Variants in WDR49 observed in about 807,000 individuals in gnomAD.
The protein encoded by WDR49 is cilia- and flagella-associated protein 337.
Under a neutral mutation model 119.5 loss-of-function variants are expected in WDR49, and 107 were observed. The ratio of observed to expected loss-of-function variants is 0.90; its 90% CI spans 0.77 to 1.05. WDR49 has a LOEUF of 1.05. Ranked by LOEUF, WDR49 falls within the 50% of genes least tolerant of loss-of-function variation. The pLI is 0.00. For synonymous variants in WDR49, 425 were observed against 418.8 expected (o/e 1.01, Z -0.18); for missense variants, 1,240 against 1,220.5 (o/e 1.02, Z -0.24).
Position 167,540,811 on chromosome 3 carries a change from T to A in WDR49, c.1824-3811A>T, listed in dbSNP as rs79829741. Among the ~76,000 whole-genome samples, 479 of 151,538 alleles carry A rather than the reference T, an allele frequency of 3.2e-3. 8 individuals carry two copies. The highest frequency in any genetic ancestry group is 0.022 in the Admixed American group (336 of 15,214). ...AAAAGAAATTTTTAAAAATACAGGATATGGATGAAAAAATGGTCCAGATAA... is the reference window on the plus strand; with the variant it reads ...AAAAGAAATTTTTAAAAATACAGGAAATGGATGAAAAAATGGTCCAGATAA... On this transcript the variant is annotated intron_variant, in intron 10 of 18. Transcript: ENST00000682715.
chr3:167,628,980 G>T (rs1428427926), intron 2 of WDR49, among the ~76,000 whole-genome samples: 3 of 152,114 alleles, frequency 2.0e-5, no homozygotes, highest in Non-Finnish European at 2.9e-5. Context: ...AAATCTGGCT[G>T]GGCACAGTGG....
chr3:167,512,654 A>T (rs1052579736), intron 16 of WDR49, among the ~76,000 whole-genome samples: 7 of 152,216 alleles, frequency 4.6e-5, no homozygotes, highest in Non-Finnish European at 8.8e-5. Flanking sequence ...GTGGGTAATA[A>T]ACTTCACTGA....
At chr3:167,614,139 G>A (rs967565492) in intron 5 of WDR49, among the ~76,000 whole-genome samples, 1 of 152,038 alleles carries the variant, frequency 6.6e-6, no homozygotes, top group Non-Finnish European at 1.5e-5. Context: ...CTCTCGCCCA[G>A]GTTGGAGTGC....
intron 17 of WDR49, among the ~76,000 whole-genome samples, chr3:167,504,461 G>T (rs1751693413): frequency 6.6e-6 from 1 of 152,130 alleles, no homozygotes; most frequent in Non-Finnish European, 1.5e-5. Context: ...CTTTCTTTTG[G>T]CCAGTTTCTC....
intron 7 of WDR49, among the ~76,000 whole-genome samples, chr3:167,583,386 A>T (rs1278669052): frequency 6.6e-6 from 1 of 152,110 alleles, no homozygotes; most frequent in East Asian, 1.9e-4. Context: ...CTTCAAAGAA[A>T]TACAGTTCTG....
chr3:167,639,914 C>T (rs1193831821), intron 2 of WDR49, among the ~76,000 whole-genome samples: 1 of 151,770 alleles, frequency 6.6e-6, no homozygotes, highest in African/African-American at 2.4e-5. Flanking sequence ...ATGATGTCAC[C>T]ACAACAAAAT....
At chr3:167,535,845 A>T (rs1560273831) in intron 11 of WDR49, among the ~76,000 whole-genome samples, 1 of 152,194 alleles carries the variant, frequency 6.6e-6, no homozygotes, top group African/African-American at 2.4e-5. Flanking sequence ...ATGTCCATCA[A>T]TGAATAAATG....
intron 16 of WDR49, among the ~76,000 whole-genome samples, chr3:167,518,106 G>T (rs1752290174): frequency 1.3e-5 from 2 of 151,876 alleles, no homozygotes; most frequent in Admixed American, 1.3e-4. Context: ...GTGTATATGT[G>T]CCACATTTTC....
intron 8 of WDR49, among the ~76,000 whole-genome samples, chr3:167,575,502 G>T (rs1714200317): frequency 6.6e-6 from 1 of 152,218 alleles, no homozygotes; most frequent in South Asian, 2.1e-4. Context: ...TGTAAAATAT[G>T]CTGGCAAAAT....
rs763575004 is a variant in WDR49, at chr3:167,560,187, C to T, written c.1551G>A (p.Met517Ile). 1.2e-6 allele frequency: 2 copies of T among 1,614,190 alleles called. No individual in the cohort carries two copies. Among genetic ancestry groups the T allele is most frequent in the Middle Eastern group, 1.6e-4 (1 of 6,062 alleles). Residue 517 changes from methionine to isoleucine, a missense_variant, in exon 9 of 19, where the codon ATG (methionine) becomes ATA (isoleucine). Met to Ile is a conservative substitution (Grantham distance 10). Transcript: ENST00000682715. The stretch of plus-strand genomic sequence containing the variant: ...GTTTGATTTTCTGCCCAGTGTCTAT[C>T]ATCCAGAAGGAAACAGTAGACCCTG... ...SDTGSTVSFWMIDTGQKIKQF... is the reference protein window; with the variant it reads ...SDTGSTVSFWIIDTGQKIKQF...
intron 5 of WDR49, among the ~76,000 whole-genome samples, chr3:167,605,654 T>G (rs879704263): frequency 6.6e-6 from 1 of 152,208 alleles, no homozygotes; most frequent in Non-Finnish European, 1.5e-5. Flanking sequence ...AGTGTGACTT[T>G]CAGGGTTTAA....
intron 8 of WDR49, among the ~76,000 whole-genome samples, chr3:167,563,938 C>G (rs530779294): frequency 6.6e-6 from 1 of 152,264 alleles, no homozygotes; most frequent in South Asian, 2.1e-4. Flanking sequence ...TTTTATTTCC[C>G]TAACAGAAAT....
At chr3:167,581,739 G>A (rs1316336742) in intron 7 of WDR49, among the ~76,000 whole-genome samples, 2 of 152,124 alleles carry the variant, frequency 1.3e-5, no homozygotes, top group African/African-American at 2.4e-5. Flanking sequence ...ATAGGTAGGG[G>A]TATAAATAGA....
In WDR49 at chr3:167,626,997, T is replaced by G. The variant is rs1357092858; in HGVS notation, c.461A>C (p.His154Pro). 3.8e-6 allele frequency: 5 copies of G among 1,331,628 alleles called. No homozygotes were observed. The highest frequency in any genetic ancestry group is 4.8e-6 in the Non-Finnish European group (5 of 1,043,418). 82.5% of individuals were successfully genotyped at this position (1,331,628 alleles called of 1,614,324 possible). The change falls in exon 3 of 19, where the codon CAT becomes CCT. Residue 154 changes from histidine to proline, a missense_variant. His to Pro is a moderately conservative substitution (Grantham distance 77). Transcript: ENST00000682715. ...QKVIFLKNSS[H>P]YLTISKEGLL... is the part of the protein sequence containing the mutation. ...ACCTTCTTTACTAATTGTCAGATAA[T>G]GACTTGAATTTTTTAAGAAAATTAC...
chr3:167,544,216 A>T (rs1712021718), intron 10 of WDR49, among the ~76,000 whole-genome samples: 1 of 152,124 alleles, frequency 6.6e-6, no homozygotes, highest in African/African-American at 2.4e-5. Flanking sequence ...GAATAGAATC[A>T]ATATTGCAAA....
intron 5 of WDR49, among the ~76,000 whole-genome samples, chr3:167,616,101 A>G (rs374858940): frequency 1.3e-5 from 2 of 152,332 alleles, no homozygotes; most frequent in African/African-American, 4.8e-5. Flanking sequence ...AGTGCTTACT[A>G]TGGTGCCTAC....
intron 16 of WDR49, among the ~76,000 whole-genome samples, chr3:167,517,029 A>G (rs1305749870): frequency 6.6e-6 from 1 of 152,212 alleles, no homozygotes; most frequent in African/African-American, 2.4e-5. Flanking sequence ...ACCATCTCAC[A>G]CTAGTTAGAA....
At chr3:167,594,719 A>C (rs1470214292) in intron 7 of WDR49, among the ~76,000 whole-genome samples, 1 of 152,060 alleles carries the variant, frequency 6.6e-6, no homozygotes, top group African/African-American at 2.4e-5. Flanking sequence ...GACATATCTC[A>C]AAATAATAAG....
intron 7 of WDR49, among the ~76,000 whole-genome samples, chr3:167,596,732 A>C (rs1424730348): frequency 1.5e-5 from 1 of 67,656 alleles, no homozygotes; most frequent in African/African-American, 5.9e-5. Flanking sequence ...GGGTGGGGGG[A>C]GGGGGGAGGG....
Sources: allele counts gnomAD v4.1 joint callset (sites outside exome capture counted in the v4.1 genomes callset), GRCh38; gene constraint gnomAD v4.1.1; transcripts MANE v1.5; gene names NCBI Gene and HGNC (gene_info 2026-07-23, HGNC 2026-07-21).